Variants in SCHIP1 observed in about 807,000 individuals in gnomAD.
SCHIP1 encodes schwannomin interacting protein 1, also known as schwannomin-interacting protein 1.
SCHIP1 carries 8 observed loss-of-function variants against 29.7 expected under a neutral mutation model. That is an observed-to-expected ratio of 0.27 (90% CI 0.16 to 0.49). The LOEUF is 0.49. Ranked by LOEUF, SCHIP1 falls within the 20% of genes least tolerant of loss-of-function variation. SCHIP1 has a pLI of 0.99. For synonymous variants in SCHIP1, 76 were observed against 94.9 expected (o/e 0.80, Z 1.16); for missense variants, 193 against 294.6 (o/e 0.66, Z 2.52).
chr3:159,312,781 C>T, the SCHIP1 span, among the ~76,000 whole-genome samples: 2 of 152,136 alleles, frequency 1.3e-5, no homozygotes, highest in Non-Finnish European at 2.9e-5. Flanking sequence ...CACCTGCTGA[C>T]CTATGAATTA....
At chr3:159,526,232 C>T in the SCHIP1 span, among the ~76,000 whole-genome samples, 7 of 152,122 alleles carry the variant, frequency 4.6e-5, no homozygotes, top group South Asian at 8.3e-4. Context: ...GGCTGAATTG[C>T]CTGATGGCTC....
At chr3:159,704,158 G>C in the SCHIP1 span, among the ~76,000 whole-genome samples, 1 of 152,088 alleles carries the variant, frequency 6.6e-6, no homozygotes, top group Non-Finnish European at 1.5e-5. Flanking sequence ...CACTAGGCCA[G>C]GCACAGTGGC....
the SCHIP1 span, among the ~76,000 whole-genome samples, chr3:159,734,327 G>C: frequency 6.6e-6 from 1 of 151,216 alleles, no homozygotes; most frequent in Non-Finnish European, 1.5e-5. Context: ...ATTTTTAGTA[G>C]AGACGGGGTT....
At chr3:159,796,439 G>A in the SCHIP1 span, among the ~76,000 whole-genome samples, 12 of 152,286 alleles carry the variant, frequency 7.9e-5, no homozygotes, top group African/African-American at 2.6e-4. Context: ...TTGATGTGCT[G>A]CTTGCAAGGG....
chr3:159,345,919 C>T, the SCHIP1 span, among the ~76,000 whole-genome samples: 8 of 152,100 alleles, frequency 5.3e-5, no homozygotes, highest in South Asian at 2.1e-4. Context: ...GTTGGCTGGG[C>T]GCTTTCACTC....
chr3:159,331,785 T>TAGGAAAG, the SCHIP1 span, among the ~76,000 whole-genome samples: 1 of 152,190 alleles, frequency 6.6e-6, no homozygotes, highest in African/African-American at 2.4e-5. Context: ...CTATAATCTT[T>TAGGAAAG]CCTATAGACA....
chr3:159,470,789 C>T, the SCHIP1 span, among the ~76,000 whole-genome samples: 2 of 151,996 alleles, frequency 1.3e-5, no homozygotes, highest in Admixed American at 6.6e-5. Context: ...GCGACTACTA[C>T]TCATCAATAA....
chr3:159,742,430 C>T, the SCHIP1 span, among the ~76,000 whole-genome samples: 1 of 152,164 alleles, frequency 6.6e-6, no homozygotes, highest in Non-Finnish European at 1.5e-5. Context: ...TTGTGATGTG[C>T]CATATAAGGC....
At chr3:159,506,028 C>A in the SCHIP1 span, among the ~76,000 whole-genome samples, 1 of 152,182 alleles carries the variant, frequency 6.6e-6, no homozygotes, top group East Asian at 1.9e-4. Flanking sequence ...AGTTCTAGAT[C>A]CCTGAGGAAT....
chr3:159,389,577 C>A, the SCHIP1 span, among the ~76,000 whole-genome samples: 1 of 151,846 alleles, frequency 6.6e-6, no homozygotes, highest in East Asian at 1.9e-4. Flanking sequence ...AAAATACATG[C>A]ATAAGGATAA....
chr3:159,733,784 T>C, the SCHIP1 span, among the ~76,000 whole-genome samples: 1 of 152,200 alleles, frequency 6.6e-6, no homozygotes. Context: ...GATTTGTTAG[T>C]ATAAGGGTTC....
chr3:159,798,312 G>A, the SCHIP1 span, among the ~76,000 whole-genome samples: 1 of 152,156 alleles, frequency 6.6e-6, no homozygotes, highest in South Asian at 2.1e-4. Flanking sequence ...CCTTAATTTT[G>A]ACATCTGTAA....
At chr3:159,892,293 A>G in intron 6 of SCHIP1, 103 bp downstream of exon 7, 3 of 1,341,182 alleles carry the variant, frequency 2.2e-6, no homozygotes, top group Non-Finnish European at 3.1e-6. Context: ...CTCTACTTCC[A>G]TAAATAACTC....
At chr3:159,344,555 T>C in the SCHIP1 span, among the ~76,000 whole-genome samples, 5 of 152,180 alleles carry the variant, frequency 3.3e-5, no homozygotes, top group African/African-American at 1.2e-4. Flanking sequence ...AGTCTAATCA[T>C]GAGATAAACA....
the SCHIP1 span, among the ~76,000 whole-genome samples, chr3:159,380,313 A>C: frequency 6.6e-6 from 1 of 152,150 alleles, no homozygotes; most frequent in East Asian, 1.9e-4. Flanking sequence ...CCACATCAGG[A>C]AACAGCTGTC....
At chr3:159,876,332 T>C (rs1480295274) in intron 2 of SCHIP1, among the ~76,000 whole-genome samples, 1 of 152,182 alleles carries the variant, frequency 6.6e-6, no homozygotes, top group Non-Finnish European at 1.5e-5. Context: ...GAGCGGGGTA[T>C]TGGGAACCAG....
the SCHIP1 span, among the ~76,000 whole-genome samples, chr3:159,397,368 C>A: frequency 6.6e-6 from 1 of 152,218 alleles, no homozygotes; most frequent in Admixed American, 6.5e-5. Context: ...TGGTGAGGAA[C>A]TGCATTCCTT....
At chr3:159,393,729 G>C in the SCHIP1 span, among the ~76,000 whole-genome samples, 1 of 150,966 alleles carries the variant, frequency 6.6e-6, no homozygotes, top group Non-Finnish European at 1.5e-5. Context: ...TTGTAGTATA[G>C]TTTGAAGTCA....
At chr3:159,551,083 T>C in the SCHIP1 span, among the ~76,000 whole-genome samples, 9 of 152,192 alleles carry the variant, frequency 5.9e-5, no homozygotes, top group Admixed American at 5.9e-4. Flanking sequence ...TTGGTAGCCA[T>C]GGGTGAGTAC....
Sources: allele counts gnomAD v4.1 joint callset (sites outside exome capture counted in the v4.1 genomes callset), GRCh38; gene constraint gnomAD v4.1.1; transcripts MANE v1.5; gene names NCBI Gene and HGNC (gene_info 2026-07-23, HGNC 2026-07-21).